Variants in CACNG3 observed in about 807,000 individuals in gnomAD.
CACNG3 encodes calcium voltage-gated channel auxiliary subunit gamma 3, also known as voltage-dependent calcium channel gamma-3 subunit.
Under a neutral mutation model 28.5 loss-of-function variants are expected in CACNG3, and 3 were observed. The observed-to-expected ratio is 0.11, with a 90% CI of 0.05 to 0.27. CACNG3 has a LOEUF of 0.27. Ranked by LOEUF, CACNG3 falls within the 10% of genes least tolerant of loss-of-function variation. The pLI, the probability that CACNG3 is intolerant of heterozygous loss-of-function variation, is 1.00. For synonymous variants in CACNG3, 174 were observed against 162.2 expected, an observed-to-expected ratio of 1.07 and a Z score of -0.55; for missense variants, 236 against 414.4, an observed-to-expected ratio of 0.57 and a Z score of 3.74.
intron 1 of CACNG3, among the ~76,000 whole-genome samples, chr16:24,284,692 T>G (rs1898870746): frequency 6.6e-6 from 1 of 152,178 alleles, no homozygotes; most frequent in South Asian, 2.1e-4. Flanking sequence ...CAAATGCCAT[T>G]ATGAGCAATA....
chr16:24,348,636 G>A (rs1039287836), intron 2 of CACNG3, among the ~76,000 whole-genome samples: 5 of 152,134 alleles, frequency 3.3e-5, no homozygotes, highest in African/African-American at 9.7e-5. Context: ...CACATCAGCA[G>A]CTCAAAAAGA....
intron 1 of CACNG3, among the ~76,000 whole-genome samples, chr16:24,257,371 GAGAGAGAGAGAGAGAGAGAGAGA>G (rs1898476085): frequency 2.3e-4 from 2 of 8,774 alleles, no homozygotes; most frequent in Admixed American, 6.3e-4. Context: ...TGAGGGGGGA[GAGAGAGAGAGAGAGAGAGAGAGA>G]GAGAGAGAGA....
At chr16:24,274,758 A>G (rs1266167234) in intron 1 of CACNG3, among the ~76,000 whole-genome samples, 3 of 152,210 alleles carry the variant, frequency 2.0e-5, no homozygotes, top group Non-Finnish European at 2.9e-5. Context: ...TAAGTTAACA[A>G]CAGCAAGCGC....
At chr16:24,271,579 G>A (rs1180519083) in intron 1 of CACNG3, among the ~76,000 whole-genome samples, 1 of 152,178 alleles carries the variant, frequency 6.6e-6, no homozygotes, top group African/African-American at 2.4e-5. Flanking sequence ...TGCAAAGTGA[G>A]TGATTTGAAT....
At chr16:24,326,760 C>G (rs1327196179) in intron 1 of CACNG3, among the ~76,000 whole-genome samples, 1 of 152,174 alleles carries the variant, frequency 6.6e-6, no homozygotes, top group Non-Finnish European at 1.5e-5. Flanking sequence ...AGAAGGCATT[C>G]CCTACAGTGG....
At chr16:24,338,564 C>T (rs1295198266) in intron 1 of CACNG3, among the ~76,000 whole-genome samples, 2 of 152,232 alleles carry the variant, frequency 1.3e-5, no homozygotes, top group Non-Finnish European at 2.9e-5. Flanking sequence ...AGGATGGTCT[C>T]GAACCCTTGA....
intron 1 of CACNG3, among the ~76,000 whole-genome samples, chr16:24,275,634 T>A (rs1221362184): frequency 6.6e-6 from 1 of 152,208 alleles, no homozygotes; most frequent in Non-Finnish European, 1.5e-5. Flanking sequence ...AGACATTTTC[T>A]CAAAAATGAG....
intron 1 of CACNG3, among the ~76,000 whole-genome samples, chr16:24,325,877 G>A (rs1336663785): frequency 6.6e-6 from 1 of 152,216 alleles, no homozygotes; most frequent in Non-Finnish European, 1.5e-5. Context: ...CAGTTGCAAA[G>A]TACAGAAATC....
chr16:24,354,987 C>T lies in CACNG3; in HGVS notation c.436+14C>T, dbSNP rs1436009504. Reference sequence around the variant, plus strand: ...TTGTCTCTGCAGGTGAGTGTCTGGCCCCAGCCCTGAGATCTTCACAGATAC... The same window carrying T: ...TTGTCTCTGCAGGTGAGTGTCTGGCTCCAGCCCTGAGATCTTCACAGATAC... On this transcript the variant is annotated intron_variant, in intron 3 of 3. Coordinates refer to ENST00000005284, the MANE Select transcript of CACNG3 (RefSeq NM_006539.4). 1 of 1,608,606 alleles carries T rather than the reference C, an allele frequency of 6.2e-7. No homozygotes were observed. The highest frequency in any genetic ancestry group is 1.3e-5 in the African/African-American group (1 of 74,470).
intron 1 of CACNG3, among the ~76,000 whole-genome samples, chr16:24,337,557 C>G (rs148017595): frequency 6.6e-6 from 1 of 152,166 alleles, no homozygotes; most frequent in African/African-American, 2.4e-5. Context: ...TGGCTCACAT[C>G]TGTAATCCCA....
Position 24,361,358 on chromosome 16 carries a change from G to C in CACNG3, c.443G>C (p.Ser148Thr). The part of the protein sequence containing the change: ...AGIFFVSAGL[S>T]NIIGIIVYIS... ...TCTTTTCCCCTTCTCTTAGGGTTAA[G>C]CAACATCATTGGCATCATAGTTTAT... Residue 148 changes from serine to threonine, a missense_variant, in exon 4 of 4, where the codon AGC becomes ACC. Physicochemically the swap from Ser to Thr is moderately conservative, Grantham distance 58. Coordinates refer to ENST00000005284, the MANE Select transcript of CACNG3 (RefSeq NM_006539.4). This position sits in a 1 kb window ranked among gnomAD's most constrained non-coding sequence, Gnocchi z 6.8. The C allele has an allele frequency of 6.3e-7, 1 of 1,595,536 alleles. No homozygotes were observed. Among genetic ancestry groups the C allele is most frequent in the Non-Finnish European group, 8.5e-7 (1 of 1,171,372 alleles).
intron 1 of CACNG3, among the ~76,000 whole-genome samples, chr16:24,335,651 A>G (rs1158211513): frequency 2.6e-5 from 4 of 152,132 alleles, no homozygotes; most frequent in African/African-American, 9.7e-5. Flanking sequence ...TCCAAAATCC[A>G]TGCTCCTCAG....
At chr16:24,322,846 C>T (rs1362895886) in intron 1 of CACNG3, among the ~76,000 whole-genome samples, 6 of 152,098 alleles carry the variant, frequency 3.9e-5, no homozygotes, top group African/African-American at 1.2e-4. Flanking sequence ...TATACAGTTG[C>T]TCAGGTAGTG....
chr16:24,298,280 C>T (rs2141358673), intron 1 of CACNG3, among the ~76,000 whole-genome samples: 1 of 152,054 alleles, frequency 6.6e-6, no homozygotes, highest in African/African-American at 2.4e-5. Flanking sequence ...CTTTCTATAT[C>T]AGATATTTTA....
At chr16:24,267,447 C>T (rs911077990) in intron 1 of CACNG3, among the ~76,000 whole-genome samples, 1 of 151,970 alleles carries the variant, frequency 6.6e-6, no homozygotes, top group African/African-American at 2.4e-5. Flanking sequence ...GCCACCATGC[C>T]CAGCTATTTT....
At chr16:24,316,446 C>CTGTCTT (rs3837783) in intron 1 of CACNG3, among the ~76,000 whole-genome samples, 5,368 of 152,128 alleles carry the variant, frequency 0.035, 298 homozygotes, top group African/African-American at 0.11. Context: ...AAAGTGGACT[C>CTGTCTT]TGTGAGTCTG....
chr16:24,338,671 G>T (rs754046051), intron 1 of CACNG3, among the ~76,000 whole-genome samples: 1 of 152,024 alleles, frequency 6.6e-6, no homozygotes, highest in Non-Finnish European at 1.5e-5. Flanking sequence ...TTCAAAGCTC[G>T]GTTATATTGT....
chr16:24,320,895 A>AT (rs371001626), intron 1 of CACNG3, among the ~76,000 whole-genome samples: 3,590 of 149,876 alleles, frequency 0.024, 123 homozygotes, highest in African/African-American at 0.073. Context: ...ATGCCTAATA[A>AT]TTTTTTTTTT....
intron 1 of CACNG3, among the ~76,000 whole-genome samples, chr16:24,306,441 A>G (rs1384129887): frequency 1.3e-5 from 2 of 152,174 alleles, no homozygotes; most frequent in Non-Finnish European, 2.9e-5. Flanking sequence ...CACTGACCCC[A>G]AAAGACAGGG....
Sources: allele counts gnomAD v4.1 joint callset (sites outside exome capture counted in the v4.1 genomes callset), GRCh38; gene constraint gnomAD v4.1.1; non-coding constraint Gnocchi (gnomAD v3.1); transcripts MANE v1.5; gene names NCBI Gene and HGNC (gene_info 2026-07-23, HGNC 2026-07-21).